Variants in CSMD1 observed in about 807,000 individuals in gnomAD.
The protein encoded by CSMD1 is CUB and sushi domain-containing protein 1.
CSMD1 carries 213 observed loss-of-function variants against 417.5 expected under a neutral mutation model. That is an observed-to-expected ratio of 0.51 (90% confidence interval 0.46 to 0.57). The LOEUF (loss-of-function observed/expected upper bound fraction) is 0.57, where lower values mean the gene tolerates loss of function less well. Among genes scored for constraint, CSMD1 ranks in the 20% least tolerant of loss-of-function variants. The pLI, the probability that CSMD1 is intolerant of heterozygous loss-of-function variation, is 0.00. For synonymous variants in CSMD1, 2,862 were observed against 1,736.8 expected (o/e 1.65, Z -16.11); for missense variants, 6,923 against 4,529.7 (o/e 1.53, Z -15.17).
intron 3 of CSMD1, among the ~76,000 whole-genome samples, chr8:4,196,168 G>A (rs1799329946): frequency 6.6e-6 from 1 of 152,062 alleles, no homozygotes; most frequent in Non-Finnish European, 1.5e-5. Context: ...CCGAGATCGC[G>A]CCACTGCACT....
At chr8:3,724,791 T>C (rs550146932) in intron 6 of CSMD1, among the ~76,000 whole-genome samples, 3 of 152,332 alleles carry the variant, frequency 2.0e-5, no homozygotes, top group Admixed American at 2.0e-4. Context: ...ATACCAGCAG[T>C]ACTTTGCCAT....
intron 5 of CSMD1, among the ~76,000 whole-genome samples, chr8:3,864,433 A>C (rs1804942703): frequency 6.6e-6 from 1 of 152,202 alleles, no homozygotes; most frequent in South Asian, 2.1e-4. Context: ...AGAAAGGAAT[A>C]CAGTATGAGA....
intron 1 of CSMD1, among the ~76,000 whole-genome samples, chr8:4,679,281 G>C (rs1030973876): frequency 6.6e-6 from 1 of 152,142 alleles, no homozygotes; most frequent in Non-Finnish European, 1.5e-5. Context: ...AAGGTAGCTT[G>C]ACCTTACTCT....
At chr8:4,306,945 A>T (rs148566024) in intron 3 of CSMD1, among the ~76,000 whole-genome samples, 4 of 152,098 alleles carry the variant, frequency 2.6e-5, no homozygotes, top group Admixed American at 2.6e-4. Context: ...GTATCTGTCG[A>T]TCCTACCCCC....
chr8:2,944,544 C>A (rs1444831333), intron 68 of CSMD1, among the ~76,000 whole-genome samples: 1 of 152,168 alleles, frequency 6.6e-6, no homozygotes, highest in Non-Finnish European at 1.5e-5. Context: ...CACACGGACT[C>A]ATAGTCACAA....
intron 3 of CSMD1, among the ~76,000 whole-genome samples, chr8:4,142,277 T>G (rs537862756): frequency 6.6e-6 from 1 of 151,268 alleles, no homozygotes; most frequent in East Asian, 1.9e-4. Context: ...ACTCTTGGTA[T>G]AAGGTAATGT....
chr8:3,387,486 G>C lies in CSMD1; in HGVS notation c.2782+8C>G. ...TGCTGGTGCATTGCCTCACTGAGCT[G>C]TACCTACCGTCGCAGCTGGGCAAGG... is the stretch of plus-strand genomic sequence containing the variant. On this transcript the variant is annotated splice_region_variant and intron_variant, in intron 18 of 69. Coordinates refer to ENST00000635120, the MANE Select transcript of CSMD1 (RefSeq NM_033225.6). 6.3e-7 allele frequency: 1 copy of C among 1,591,540 alleles called. No individual in the cohort carries two copies. Among genetic ancestry groups the C allele is most frequent in the Non-Finnish European group, 8.6e-7 (1 of 1,168,718 alleles).
intron 5 of CSMD1, among the ~76,000 whole-genome samples, chr8:3,915,923 A>G (rs1808789774): frequency 6.6e-6 from 1 of 151,236 alleles, no homozygotes; most frequent in Non-Finnish European, 1.5e-5. Context: ...TATCTGAGGC[A>G]GACCTACATA....
intron 1 of CSMD1, among the ~76,000 whole-genome samples, chr8:4,651,395 G>A (rs1803886693): frequency 6.6e-6 from 1 of 152,136 alleles, no homozygotes; most frequent in Non-Finnish European, 1.5e-5. Context: ...CCACTGCTGT[G>A]CTGTTTCTCG....
chr8:4,891,614 G>A (rs972233721), intron 1 of CSMD1, among the ~76,000 whole-genome samples: 5 of 151,878 alleles, frequency 3.3e-5, no homozygotes, highest in South Asian at 2.1e-4. Context: ...GCACATAATC[G>A]GATGTTTTGC....
At chr8:3,439,861 T>G (rs187401982) in intron 12 of CSMD1, among the ~76,000 whole-genome samples, 2 of 152,212 alleles carry the variant, frequency 1.3e-5, no homozygotes, top group Non-Finnish European at 2.9e-5. Context: ...TGGAGGCACA[T>G]TTTTGGCCTA....
intron 18 of CSMD1, 147 bp downstream of exon 18, chr8:3,387,347 T>C (rs965432371): frequency 3.3e-6 from 2 of 604,434 alleles, no homozygotes; most frequent in South Asian, 2.2e-5. Flanking sequence ...TCGGGAATGA[T>C]ACGATGATGG....
chr8:4,275,567 C>G (rs971160447), intron 3 of CSMD1, among the ~76,000 whole-genome samples: 3 of 152,024 alleles, frequency 2.0e-5, no homozygotes, highest in Non-Finnish European at 4.4e-5. Context: ...CTGAGTGTTC[C>G]TAAAATTGGC....
chr8:4,887,213 T>C (rs576035732), intron 1 of CSMD1, among the ~76,000 whole-genome samples: 7 of 152,108 alleles, frequency 4.6e-5, no homozygotes, highest in Admixed American at 1.3e-4. Flanking sequence ...ATAATTTACA[T>C]TGTGATTATT....
intron 3 of CSMD1, among the ~76,000 whole-genome samples, chr8:4,331,204 C>G (rs1212736436): frequency 6.6e-6 from 1 of 152,164 alleles, no homozygotes; most frequent in African/African-American, 2.4e-5. Context: ...AAATAGTTGA[C>G]AAGATTACTG....
chr8:4,721,179 G>A (rs1419608395), intron 1 of CSMD1, among the ~76,000 whole-genome samples: 1 of 152,086 alleles, frequency 6.6e-6, no homozygotes, highest in Non-Finnish European at 1.5e-5. Flanking sequence ...AAACTATTGC[G>A]ATCCATATAC....
intron 2 of CSMD1, among the ~76,000 whole-genome samples, chr8:4,425,585 G>C (rs937085164): frequency 2.6e-5 from 4 of 152,084 alleles, no homozygotes; most frequent in African/African-American, 7.2e-5. Context: ...TGCTCCTGAA[G>C]ACATGAAAGT....
In CSMD1 at chr8:3,953,366, G is replaced by T. The variant is rs1275401074; in HGVS notation, c.818+44537C>A. On this transcript the variant is annotated intron_variant, in intron 5 of 69. Transcript: ENST00000635120. ...GTATAAACATTACATGCCATATAAT[G>T]CAAGTTAGGTGTTTATATATACTTA... is the stretch of plus-strand genomic sequence containing the variant. 2.6e-5 allele frequency among the ~76,000 whole-genome samples: 4 copies of T among 152,256 alleles called. 1 individual carries two copies. The highest frequency in any genetic ancestry group is 6.5e-5 in the Admixed American group (1 of 15,288).
intron 2 of CSMD1, among the ~76,000 whole-genome samples, chr8:4,496,779 C>A (rs1242256743): frequency 6.6e-6 from 1 of 152,136 alleles, no homozygotes; most frequent in African/African-American, 2.4e-5. Flanking sequence ...AAAGCATTTC[C>A]TTAGAGCTGA....
Sources: gnomAD v4.1 joint callset for allele counts (sites outside exome capture counted in the v4.1 genomes callset) on GRCh38, gnomAD v4.1.1 for gene constraint, MANE v1.5 for transcripts, NCBI Gene and HGNC (gene_info 2026-07-23, HGNC 2026-07-21) for gene names.